The following RAPGEF1 variants were observed in gnomAD, a reference collection of about 807,000 sequenced individuals.
RAPGEF1 encodes CRK SH3-binding GNRP.
Under a neutral mutation model 143.3 loss-of-function variants are expected in RAPGEF1, and 33 were observed. That is an observed-to-expected ratio of 0.23 (90% CI 0.17 to 0.31). RAPGEF1 has a LOEUF of 0.31. Among genes scored for constraint, RAPGEF1 ranks in the 10% least tolerant of loss-of-function variants. RAPGEF1 has a pLI of 1.00. For missense variants in RAPGEF1, 1,199 were observed against 1,645.4 expected (o/e 0.73, Z 4.69); for synonymous variants, 629 against 676.5 (o/e 0.93, Z 1.09).
intron 1 of RAPGEF1, among the ~76,000 whole-genome samples, chr9:131,661,882 C>T (rs927944168): frequency 2.0e-5 from 3 of 152,188 alleles, no homozygotes; most frequent in African/African-American, 7.2e-5. Flanking sequence ...TAAATGTATA[C>T]ATTCTTAGGA....
intron 19 of RAPGEF1, 59 bp downstream of exon 19, chr9:131,589,827 G>C: frequency 6.7e-7 from 1 of 1,485,542 alleles, no homozygotes; most frequent in Non-Finnish European, 9.4e-7. Context: ...GGAGAAGCAG[G>C]TGGAATGGAG....
intron 1 of RAPGEF1, among the ~76,000 whole-genome samples, chr9:131,728,097 A>G (rs1836791729): frequency 6.6e-6 from 1 of 152,236 alleles, no homozygotes; most frequent in Non-Finnish European, 1.5e-5. Context: ...TTACTTTCAC[A>G]TACCCGAAAT....
intron 5 of RAPGEF1, 144 bp downstream of exon 5, chr9:131,638,491 T>A (rs973262773): frequency 2.2e-6 from 2 of 908,846 alleles, no homozygotes; most frequent in Non-Finnish European, 3.3e-6. Flanking sequence ...AAGTAAGTAG[T>A]TATGGGATAG....
chr9:131,671,308 T>C lies in RAPGEF1; in HGVS notation c.62-20359A>G, dbSNP rs550506861. 2.7e-4 allele frequency among the ~76,000 whole-genome samples: 41 copies of C among 152,326 alleles called. No individual in the cohort carries two copies. In the South Asian group the frequency reaches 8.5e-3, roughly 32 times the overall value. On this transcript the variant is annotated intron_variant, in intron 1 of 26. Transcript: ENST00000683357. ...TGCCGTCTGTCTGAAGGCCTACATC[T>C]CAGCCCGCCAGGGAGGAGGCACGGG...
At chr9:131,622,321 C>T (rs775557909) in intron 10 of RAPGEF1, among the ~76,000 whole-genome samples, 8 of 152,206 alleles carry the variant, frequency 5.3e-5, no homozygotes, top group Non-Finnish European at 1.2e-4. Flanking sequence ...CCCCTCGAGG[C>T]ATGTCGCAAG....
chr9:131,681,338 A>G (rs1326148617), intron 1 of RAPGEF1, among the ~76,000 whole-genome samples: 1 of 152,174 alleles, frequency 6.6e-6, no homozygotes, highest in Admixed American at 6.5e-5. Context: ...TTCAGGCAGG[A>G]ATTCAGCAAG....
In RAPGEF1 at chr9:131,589,983, A is replaced by G; in HGVS notation, c.2775-5T>C. The G allele has an allele frequency of 6.2e-7, 1 of 1,612,700 alleles. No homozygotes were observed. The highest frequency in any genetic ancestry group is 8.5e-7 in the Non-Finnish European group (1 of 1,178,896). ...AAGGGAGAGAATTTCTCATATGTGGAGCACGGGTTAAAGAAATAGCCATGT... is the reference window on the plus strand; with the variant it reads ...AAGGGAGAGAATTTCTCATATGTGGGGCACGGGTTAAAGAAATAGCCATGT... On this transcript the variant is annotated splice_region_variant and splice_polypyrimidine_tract_variant and intron_variant, in intron 18 of 26. Transcript: ENST00000683357.
At chr9:131,610,935 C>T (rs1363947529) in intron 12 of RAPGEF1, among the ~76,000 whole-genome samples, 2 of 152,304 alleles carry the variant, frequency 1.3e-5, no homozygotes, top group African/African-American at 4.8e-5. Flanking sequence ...CCTTGTTACT[C>T]CATTTGGCAA....
intron 12 of RAPGEF1, among the ~76,000 whole-genome samples, chr9:131,615,218 G>A (rs1321109974): frequency 5.3e-5 from 8 of 152,186 alleles, no homozygotes; most frequent in Admixed American, 2.6e-4. Flanking sequence ...GACTACAGGC[G>A]CCCGCCACCA....
chr9:131,610,912 G>C (rs1588430391), intron 12 of RAPGEF1, among the ~76,000 whole-genome samples: 1 of 152,230 alleles, frequency 6.6e-6, no homozygotes, highest in Non-Finnish European at 1.5e-5. Context: ...CAGGAAAGGT[G>C]CTTGGTAACA....
chr9:131,585,923 T>C (rs1463093349), intron 22 of RAPGEF1, among the ~76,000 whole-genome samples: 1 of 152,176 alleles, frequency 6.6e-6, no homozygotes, highest in Admixed American at 6.5e-5. Flanking sequence ...CTCATGCCTG[T>C]AATCCCAGCA....
At position 131,707,016 on chromosome 9, in the gene RAPGEF1, A is replaced by G. The variant is rs113477806; in HGVS notation, c.61+32754T>C. Among the ~76,000 whole-genome samples the G allele has an allele frequency of 9.9e-3, 1,513 of 152,342 alleles. 15 individuals are homozygous for G. The highest frequency in any genetic ancestry group is 0.037 in the South Asian group (178 of 4,830). ...CTGTCTGTATACCCAGCTGCTTCCA[A>G]TGAAAATCTTCAGACATTTTAACTC... On this transcript the variant is annotated intron_variant, in intron 1 of 26. Coordinates refer to ENST00000683357, the MANE Select transcript of RAPGEF1 (RefSeq NM_001377935.1).
intron 1 of RAPGEF1, among the ~76,000 whole-genome samples, chr9:131,716,324 G>C (rs188335878): frequency 3.9e-5 from 6 of 152,384 alleles, no homozygotes; most frequent in African/African-American, 9.6e-5. Context: ...TCAGGGCTCA[G>C]CATCCAGCCT....
intron 12 of RAPGEF1, among the ~76,000 whole-genome samples, chr9:131,607,725 C>G (rs1195455903): frequency 1.3e-5 from 2 of 152,212 alleles, no homozygotes; most frequent in Admixed American, 6.5e-5. Flanking sequence ...TCCCCCTCAC[C>G]TTGCCTTGCT....
At chr9:131,716,434 T>A (rs910319230) in intron 1 of RAPGEF1, among the ~76,000 whole-genome samples, 1 of 152,086 alleles carries the variant, frequency 6.6e-6, no homozygotes, top group African/African-American at 2.4e-5. Context: ...TTGGAAGACT[T>A]GGTGGAAAGT....
At chr9:131,715,497 G>A (rs1835797380) in intron 1 of RAPGEF1, among the ~76,000 whole-genome samples, 1 of 152,086 alleles carries the variant, frequency 6.6e-6, no homozygotes, top group African/African-American at 2.4e-5. Context: ...TAAGGTGCCG[G>A]CAAACCACGT....
At chr9:131,652,206 T>G (rs1388752584) in intron 1 of RAPGEF1, among the ~76,000 whole-genome samples, 1 of 152,136 alleles carries the variant, frequency 6.6e-6, no homozygotes, top group Admixed American at 6.6e-5. Context: ...CTTAGCTTAC[T>G]GTAACTTTTT....
At chr9:131,636,629 G>T (rs1340377342) in intron 5 of RAPGEF1, among the ~76,000 whole-genome samples, 2 of 152,206 alleles carry the variant, frequency 1.3e-5, no homozygotes, top group African/African-American at 2.4e-5. Flanking sequence ...TTCGATAGAA[G>T]GAAACCTTAA....
chr9:131,634,621 G>A (rs762497818), intron 5 of RAPGEF1, among the ~76,000 whole-genome samples: 6 of 138,212 alleles, frequency 4.3e-5, no homozygotes, highest in Admixed American at 7.9e-5. Context: ...GCTGAGGCAG[G>A]AGAATCACTT....
Sources: allele counts gnomAD v4.1 joint callset (sites outside exome capture counted in the v4.1 genomes callset), GRCh38; gene constraint gnomAD v4.1.1; transcripts MANE v1.5; gene names NCBI Gene and HGNC (gene_info 2026-07-23, HGNC 2026-07-21).